Variants in SCARB1 observed in about 807,000 individuals in gnomAD.
SCARB1 encodes the protein scavenger receptor class B member 1.
A neutral mutation model predicts 57.2 loss-of-function variants in SCARB1; 30 were observed. The observed-to-expected ratio is 0.52, with a 90% CI of 0.39 to 0.71. The LOEUF (loss-of-function observed/expected upper bound fraction) is 0.71, where lower values mean the gene tolerates loss of function less well. Ranked by LOEUF, SCARB1 falls within the 30% of genes least tolerant of loss-of-function variation. The pLI is 0.00. For synonymous variants in SCARB1, 249 were observed against 268.3 expected (o/e 0.93, Z 0.70); for missense variants, 543 against 671.2 (o/e 0.81, Z 2.11).
intron 1 of SCARB1, among the ~76,000 whole-genome samples, chr12:124,858,827 C>T (rs1311918644): frequency 1.3e-5 from 2 of 151,066 alleles, no homozygotes; most frequent in Non-Finnish European, 2.9e-5. Flanking sequence ...TGCAGTGAGC[C>T]GAGATCGCAC....
chr12:124,845,526 T>C (rs1462776577), intron 1 of SCARB1, among the ~76,000 whole-genome samples: 2 of 108,854 alleles, frequency 1.8e-5, no homozygotes, highest in Non-Finnish European at 3.6e-5. Context: ...ACCCCGTCTA[T>C]ATTAAAAATA....
rs745924387 is a variant in SCARB1, at chr12:124,789,299, C to T, written c.1203-1842G>A. Among the ~76,000 whole-genome samples the T allele has an allele frequency of 7.9e-5, 12 of 152,156 alleles. No individual in the cohort carries two copies. The highest frequency in any genetic ancestry group is 1.6e-4 in the Non-Finnish European group (11 of 68,034). On this transcript the variant is annotated intron_variant, in intron 9 of 12. Coordinates refer to ENST00000261693, the MANE Select transcript of SCARB1 (RefSeq NM_005505.5). This position sits in a 1 kb window ranked among gnomAD's most constrained non-coding sequence, Gnocchi z 4.4. ...CATGAGAAAAGCACCAGACCAATCCCAGTAGAGGGTCATCCTACAAAATAC... is the reference window on the plus strand; with the variant it reads ...CATGAGAAAAGCACCAGACCAATCCTAGTAGAGGGTCATCCTACAAAATAC...
intron 9 of SCARB1, among the ~76,000 whole-genome samples, chr12:124,791,112 A>G (rs959775864): frequency 3.3e-5 from 5 of 152,170 alleles, no homozygotes; most frequent in African/African-American, 1.2e-4. Context: ...GCCAGATGAC[A>G]TGTCACGTGG....
chr12:124,837,302 C>T (rs1309882104), intron 1 of SCARB1, among the ~76,000 whole-genome samples: 1 of 152,060 alleles, frequency 6.6e-6, no homozygotes, highest in Non-Finnish European at 1.5e-5. Flanking sequence ...TTATTCTTCT[C>T]TGTTCTTAGA....
At chr12:124,792,576 G>A (rs1399547420) in intron 9 of SCARB1, among the ~76,000 whole-genome samples, 1 of 151,846 alleles carries the variant, frequency 6.6e-6, no homozygotes, top group Non-Finnish European at 1.5e-5. Context: ...ACAAAAATTA[G>A]CTGGGTGTAC....
At chr12:124,853,733 G>A (rs1192432045) in intron 1 of SCARB1, among the ~76,000 whole-genome samples, 11 of 152,084 alleles carry the variant, frequency 7.2e-5, no homozygotes, top group Admixed American at 7.2e-4. Flanking sequence ...GCTTTGATGG[G>A]GAGAAGTGAC....
rs1293317578 is a variant in SCARB1 at position 124,776,894 on chromosome 12, AGG to A, written c.*1691_*1692del. On this transcript the variant is annotated 3_prime_UTR_variant, in exon 13 of 13. Transcript: ENST00000261693. The stretch of plus-strand genomic sequence containing the variant: ...ATATATTTATGTTGCAGGCAAGTAT[AGG>A]AGTGATTAATAAAAGGCTTAAAAGC... 2 of 152,346 alleles carry A rather than the reference AGG, an allele frequency of 1.3e-5. No homozygotes were observed. The highest frequency in any genetic ancestry group is 4.1e-4 in the South Asian group (2 of 4,828). The allele number at this position is 152,346 out of a possible 1,614,324, so 9.4% of individuals were successfully genotyped here.
rs1213710137 is a variant in SCARB1, at chr12:124,796,749, G to A, written c.1129-1481C>T. Among the ~76,000 whole-genome samples, 1 of 152,184 alleles carries A rather than the reference G, an allele frequency of 6.6e-6. No homozygotes were observed. The highest frequency in any genetic ancestry group is 2.4e-5 in the African/African-American group (1 of 41,450). ...CCTTCCAGGCCCCTGTGGCAAAGAA[G>A]AGCTCATTAAAGGCCTCACTTACGC... On this transcript the variant is annotated intron_variant, in intron 8 of 12. Transcript: ENST00000261693. The surrounding 1 kb of genome is among the most constrained non-coding windows in gnomAD (Gnocchi z 4.0).
rs1197629924 is a variant in SCARB1 at position 124,807,254 on chromosome 12, G to A, written c.1009+507C>T. ...AGATTGTCCTGGGGTATCCAGGAGA[G>A]CACGATGTGGTCTTAAGGGTCCTTA... On this transcript the variant is annotated intron_variant, in intron 7 of 12. Coordinates refer to ENST00000261693, the MANE Select transcript of SCARB1 (RefSeq NM_005505.5). This position sits in a 1 kb window ranked among gnomAD's most constrained non-coding sequence, Gnocchi z 5.3. Among the ~76,000 whole-genome samples the A allele has an allele frequency of 6.6e-6, 1 of 152,138 alleles. No homozygotes were observed. Among genetic ancestry groups the A allele is most frequent in the East Asian group, 1.9e-4 (1 of 5,190 alleles).
At chr12:124,860,974 C>T (rs1038390466) in intron 1 of SCARB1, among the ~76,000 whole-genome samples, 1 of 152,134 alleles carries the variant, frequency 6.6e-6, no homozygotes, top group African/African-American at 2.4e-5. Flanking sequence ...TGTATACATA[C>T]AGGCTCCTGG....
chr12:124,795,651 C>T (rs531714194), intron 8 of SCARB1, among the ~76,000 whole-genome samples: 1 of 152,310 alleles, frequency 6.6e-6, no homozygotes, highest in South Asian at 2.1e-4. Context: ...GTCCATGCTC[C>T]CTCTCAACCT....
At chr12:124,821,081 T>C (rs1455282006) in intron 1 of SCARB1, among the ~76,000 whole-genome samples, 2 of 151,640 alleles carry the variant, frequency 1.3e-5, no homozygotes, top group African/African-American at 4.8e-5. Flanking sequence ...CTACAAAAAA[T>C]AGAAAAATCA....
intron 10 of SCARB1, 128 bp from the exon 11 acceptor site, chr12:124,786,631 A>C: frequency 2.0e-6 from 3 of 1,526,598 alleles, no homozygotes; most frequent in Non-Finnish European, 2.6e-6. Context: ...CGGCTAAAGC[A>C]TGTGTTGGAG....
At chr12:124,786,582 C>G in intron 10 of SCARB1, 79 bp from the exon 11 acceptor site, 2 of 1,577,874 alleles carry the variant, frequency 1.3e-6, no homozygotes, top group East Asian at 2.3e-5. Flanking sequence ...CAACACCTTC[C>G]TCTGTGCCCG....
At chr12:124,788,439 C>A (rs1050759045) in intron 9 of SCARB1, among the ~76,000 whole-genome samples, 3 of 152,272 alleles carry the variant, frequency 2.0e-5, no homozygotes, top group Non-Finnish European at 4.4e-5. Context: ...GTGGGATGGC[C>A]GGGAGGGCTG....
intron 1 of SCARB1, among the ~76,000 whole-genome samples, chr12:124,841,903 C>G (rs1022317381): frequency 6.6e-6 from 1 of 152,224 alleles, no homozygotes; most frequent in Non-Finnish European, 1.5e-5. Context: ...GCGTAGCTGC[C>G]GTGAGCAGGA....
intron 12 of SCARB1, among the ~76,000 whole-genome samples, chr12:124,780,654 A>G (rs1234180422): frequency 6.6e-6 from 1 of 152,184 alleles, no homozygotes; most frequent in African/African-American, 2.4e-5. Context: ...GCAGGGCAGG[A>G]GGGTCTTTTC....
At chr12:124,821,477 ATCTCTCTCTCTC>A (rs148511562) in intron 1 of SCARB1, 2 of 888,072 alleles carry the variant, frequency 2.3e-6, no homozygotes, top group Non-Finnish European at 2.7e-6. Flanking sequence ...CCATGTCTCA[ATCTCTCTCTCTC>A]TCTCTCTCTC....
chr12:124,854,037 A>G (rs1006588683), intron 1 of SCARB1, among the ~76,000 whole-genome samples: 4 of 152,244 alleles, frequency 2.6e-5, no homozygotes, highest in Non-Finnish European at 5.9e-5. Context: ...CTGCCCTCAC[A>G]GTCCGACATT....
Sources: allele counts gnomAD v4.1 joint callset (sites outside exome capture counted in the v4.1 genomes callset), GRCh38; gene constraint gnomAD v4.1.1; non-coding constraint Gnocchi (gnomAD v3.1); transcripts MANE v1.5; gene names NCBI Gene and HGNC (gene_info 2026-07-23, HGNC 2026-07-21).